COL22A1: variants seen among roughly 807,000 people sequenced by gnomAD.
COL22A1 encodes collagen type XXII alpha 1 chain, also known as collagen alpha-1(XXII) chain.
In COL22A1, 221 loss-of-function variants were observed where a neutral mutation model predicts 248.9. The ratio of observed to expected loss-of-function variants is 0.89; its 90% CI spans 0.80 to 0.99. The LOEUF is 0.99. Among genes scored for constraint, COL22A1 ranks in the 50% least tolerant of loss-of-function variants. The pLI is 0.00. For synonymous variants in COL22A1, 891 were observed against 793.4 expected, an observed-to-expected ratio of 1.12 and a Z score of -2.07; for missense variants, 2,240 against 2,179.0, an observed-to-expected ratio of 1.03 and a Z score of -0.56.
At chr8:138,887,066 C>T (rs1824722533) in intron 1 of COL22A1, among the ~76,000 whole-genome samples, 1 of 152,144 alleles carries the variant, frequency 6.6e-6, no homozygotes. Flanking sequence ...AGCAATCCAA[C>T]TACACTCTTT....
chr8:138,834,144 G>A (rs928361670), intron 4 of COL22A1, among the ~76,000 whole-genome samples: 8 of 152,076 alleles, frequency 5.3e-5, no homozygotes, highest in African/African-American at 1.7e-4. Context: ...CTCAACACCC[G>A]CCTGAAACTG....
intron 22 of COL22A1, among the ~76,000 whole-genome samples, chr8:138,748,219 G>A (rs1832289408): frequency 6.6e-6 from 1 of 152,160 alleles, no homozygotes; most frequent in Non-Finnish European, 1.5e-5. Context: ...CCCTCAAGCT[G>A]AGATCTCCCT....
chr8:138,763,914 G>A (rs996250269), intron 16 of COL22A1, among the ~76,000 whole-genome samples: 1 of 152,138 alleles, frequency 6.6e-6, no homozygotes, highest in Non-Finnish European at 1.5e-5. Flanking sequence ...CCAGTCACAC[G>A]AGGACAGGAG....
At chr8:138,651,335 T>C (rs1822717604) in intron 45 of COL22A1, among the ~76,000 whole-genome samples, 1 of 152,214 alleles carries the variant, frequency 6.6e-6, no homozygotes, top group African/African-American at 2.4e-5. Flanking sequence ...GGTAGAATTA[T>C]CTTTGCTTGC....
intron 3 of COL22A1, among the ~76,000 whole-genome samples, chr8:138,866,019 C>G (rs934758944): frequency 2.7e-5 from 4 of 150,936 alleles, no homozygotes; most frequent in Admixed American, 2.0e-4. Context: ...TTGTATGACT[C>G]TGTGTGTGTG....
At chr8:138,791,214 C>T (rs945281731) in intron 12 of COL22A1, among the ~76,000 whole-genome samples, 1 of 152,104 alleles carries the variant, frequency 6.6e-6, no homozygotes, top group Non-Finnish European at 1.5e-5. Context: ...ATTAGAAGCA[C>T]CCCTAAGATT....
At chr8:138,656,375 A>T (rs1471849533) in intron 44 of COL22A1, among the ~76,000 whole-genome samples, 1 of 152,244 alleles carries the variant, frequency 6.6e-6, no homozygotes, top group East Asian at 1.9e-4. Context: ...ACCTAGTATG[A>T]ATTTAAGCCA....
At chr8:138,609,857 C>T (rs899388568) in intron 56 of COL22A1, among the ~76,000 whole-genome samples, 2 of 152,156 alleles carry the variant, frequency 1.3e-5, no homozygotes, top group African/African-American at 2.4e-5. Context: ...GGGGCTGGAA[C>T]CTGGTTCCCT....
rs1823010777 is a variant in COL22A1 at position 138,867,812 on chromosome 8, A to G, written c.658+9938T>C. 2.0e-5 allele frequency among the ~76,000 whole-genome samples: 3 copies of G among 152,216 alleles called. No individual in the cohort carries two copies. The South Asian group carries it at 6.2e-4, about 31-fold the overall frequency. ...AGACGAAGTCCTACTCTGTCGCCAG[A>G]CTGGAGTTCAGTGGCACGATCTCGG... On this transcript the variant is annotated intron_variant, in intron 3 of 64. Transcript: ENST00000303045.
At chr8:138,628,027 A>G (rs575840688) in intron 50 of COL22A1, among the ~76,000 whole-genome samples, 3 of 152,322 alleles carry the variant, frequency 2.0e-5, no homozygotes, top group Middle Eastern at 3.4e-3. Flanking sequence ...AATCCTAACA[A>G]TCTAGAACTC....
chr8:138,728,271 C>T (rs995302469), intron 23 of COL22A1, among the ~76,000 whole-genome samples: 1 of 152,068 alleles, frequency 6.6e-6, no homozygotes, highest in Non-Finnish European at 1.5e-5. Context: ...CTCAAGCAAT[C>T]CTCTGCCTCA....
intron 3 of COL22A1, among the ~76,000 whole-genome samples, 194 bp downstream of exon 3, chr8:138,877,556 G>A (rs1459649726): frequency 6.6e-6 from 1 of 152,130 alleles, no homozygotes; most frequent in African/African-American, 2.4e-5. Context: ...GGAATGTCCA[G>A]GGGGTGCCCA....
chr8:138,887,454 G>A (rs949715724), intron 1 of COL22A1, among the ~76,000 whole-genome samples: 7 of 152,044 alleles, frequency 4.6e-5, no homozygotes, highest in Admixed American at 2.0e-4. Flanking sequence ...TCCTGACCTC[G>A]TGATCCACCC....
chr8:138,824,965 A>C (rs1819466800), intron 6 of COL22A1, among the ~76,000 whole-genome samples: 2 of 152,128 alleles, frequency 1.3e-5, no homozygotes, highest in African/African-American at 4.8e-5. Flanking sequence ...TGACAGAAGG[A>C]GGGGAAGATG....
chr8:138,782,356 T>C (rs1815089713), intron 12 of COL22A1, among the ~76,000 whole-genome samples: 2 of 152,230 alleles, frequency 1.3e-5, no homozygotes, highest in Admixed American at 1.3e-4. Context: ...TAGCTCGGAC[T>C]ACATGCACAC....
At chr8:138,616,109 C>G (rs1412571459) in intron 54 of COL22A1, 55 bp from the exon 55 acceptor site, 9 of 1,445,010 alleles carry the variant, frequency 6.2e-6, no homozygotes, top group African/African-American at 1.4e-5. Context: ...CACTGGCTGT[C>G]TCAACCACAG....
At chr8:138,707,672 C>A (rs1275936791) in intron 30 of COL22A1, among the ~76,000 whole-genome samples, 1 of 152,134 alleles carries the variant, frequency 6.6e-6, no homozygotes, top group Non-Finnish European at 1.5e-5. Context: ...AACCCACAAC[C>A]AATATCATAC....
intron 63 of COL22A1, among the ~76,000 whole-genome samples, chr8:138,593,658 G>A (rs180690143): frequency 1.1e-3 from 168 of 152,176 alleles, no homozygotes; most frequent in African/African-American, 3.8e-3. Flanking sequence ...CAATTTTAAG[G>A]CTGGCATTTA....
At chr8:138,736,794 C>G (rs1401980181) in intron 23 of COL22A1, among the ~76,000 whole-genome samples, 1 of 152,144 alleles carries the variant, frequency 6.6e-6, no homozygotes, top group African/African-American at 2.4e-5. Flanking sequence ...TGCCTAGGAA[C>G]AGAGGCCTCT....
Sources: allele counts gnomAD v4.1 joint callset (sites outside exome capture counted in the v4.1 genomes callset), GRCh38; gene constraint gnomAD v4.1.1; transcripts MANE v1.5; gene names NCBI Gene and HGNC (gene_info 2026-07-23, HGNC 2026-07-21).